Variants in MSRA observed in about 807,000 individuals in gnomAD.
The protein encoded by MSRA is mitochondrial peptide methionine sulfoxide reductase.
Under a neutral mutation model 31.3 loss-of-function variants are expected in MSRA, and 54 were observed. The observed-to-expected ratio is 1.73, with a 90% confidence interval of 1.39 to 2.17. The LOEUF is 2.17. Ranked by LOEUF, MSRA falls within the 30% of genes most tolerant of loss-of-function variation. MSRA has a pLI of 0.00. For missense variants in MSRA, 507 were observed against 300.9 expected (o/e 1.69, Z -5.07); for synonymous variants, 169 against 116.5 (o/e 1.45, Z -2.90).
intron 2 of MSRA, among the ~76,000 whole-genome samples, chr8:10,242,674 A>G (rs1051472509): frequency 6.6e-6 from 1 of 152,226 alleles, no homozygotes; most frequent in African/African-American, 2.4e-5. Flanking sequence ...GATTATTGAA[A>G]TTTATGAGTA....
intron 1 of MSRA, among the ~76,000 whole-genome samples, chr8:10,127,196 GTTTC>G (rs1334267178): frequency 6.6e-6 from 1 of 152,132 alleles, no homozygotes; most frequent in African/African-American, 2.4e-5. Context: ...TACTCTTCAA[GTTTC>G]TTAATTTTTG....
chr8:10,081,764 T>C (rs886934514), intron 1 of MSRA, among the ~76,000 whole-genome samples: 1 of 152,136 alleles, frequency 6.6e-6, no homozygotes, highest in Admixed American at 6.5e-5. Flanking sequence ...TCCCGGGAGA[T>C]GGGATTACAG....
intron 5 of MSRA, among the ~76,000 whole-genome samples, chr8:10,421,229 C>A (rs550129905): frequency 6.6e-6 from 1 of 152,168 alleles, no homozygotes; most frequent in Non-Finnish European, 1.5e-5. Flanking sequence ...CTGGCCTCGG[C>A]TGCTGACCGG....
In MSRA at chr8:10,417,419, G is replaced by GACACACACACACACAC. The variant is rs1184991397; in HGVS notation, c.544-10717_544-10702dup. 7.7e-3 allele frequency among the ~76,000 whole-genome samples: 1,118 copies of GACACACACACACACAC among 145,470 alleles called. 9 individuals are homozygous for GACACACACACACACAC. Among genetic ancestry groups the GACACACACACACACAC allele is most frequent in the Admixed American group, 0.02 (296 of 14,618 alleles). ...AGAAGCACTCATCCCTTCGTCAGAAGACACACACACACACACACACACACA... is the reference window on the plus strand; with the variant it reads ...AGAAGCACTCATCCCTTCGTCAGAAGACACACACACACACACACACACACACACACACACACACACA... On this transcript the variant is annotated intron_variant, in intron 5 of 5. Coordinates refer to ENST00000317173, the MANE Select transcript of MSRA (RefSeq NM_012331.5).
At position 10,172,766 on chromosome 8, in the gene MSRA, A is replaced by G. The variant is rs111939724; in HGVS notation, c.143-35067A>G. On this transcript the variant is annotated intron_variant, in intron 1 of 5. Coordinates refer to ENST00000317173, the MANE Select transcript of MSRA (RefSeq NM_012331.5). Reference sequence around the variant, plus strand: ...CCAGGTCACTGGGCAGCAGGGACTCAGGTTGCCTGTAGCTCACCCCTTCGC... The same window carrying G: ...CCAGGTCACTGGGCAGCAGGGACTCGGGTTGCCTGTAGCTCACCCCTTCGC... 5.3e-3 allele frequency among the ~76,000 whole-genome samples: 808 copies of G among 152,308 alleles called. 7 individuals are homozygous for G. Among genetic ancestry groups the G allele is most frequent in the African/African-American group, 0.019 (770 of 41,558 alleles).
chr8:10,379,985 A>G (rs1003971896), intron 5 of MSRA, among the ~76,000 whole-genome samples: 3 of 152,222 alleles, frequency 2.0e-5, no homozygotes, highest in African/African-American at 7.2e-5. Context: ...GTGGGCCTAC[A>G]ATGAGCTAGA....
At chr8:10,177,887 T>C (rs1416157607) in intron 1 of MSRA, among the ~76,000 whole-genome samples, 2 of 152,216 alleles carry the variant, frequency 1.3e-5, no homozygotes, top group Non-Finnish European at 2.9e-5. Context: ...GAGTGGGATT[T>C]TAGGGACCAG....
At chr8:10,318,028 C>G (rs75976559) in intron 4 of MSRA, among the ~76,000 whole-genome samples, 1,869 of 152,288 alleles carry the variant, frequency 0.012, 32 homozygotes, top group African/African-American at 0.043. Context: ...ACGTTCCAAG[C>G]TTGTTCTTAT....
intron 5 of MSRA, among the ~76,000 whole-genome samples, chr8:10,427,429 A>G (rs1809247438): frequency 6.6e-6 from 1 of 152,088 alleles, no homozygotes; most frequent in Admixed American, 6.5e-5. Context: ...TGTCACCGGG[A>G]CGTAAACTAG....
At chr8:10,241,073 T>C (rs1812373012) in intron 2 of MSRA, among the ~76,000 whole-genome samples, 1 of 152,102 alleles carries the variant, frequency 6.6e-6, no homozygotes, top group Admixed American at 6.5e-5. Context: ...GACCTTATAA[T>C]CTGGTGGGTC....
intron 5 of MSRA, among the ~76,000 whole-genome samples, chr8:10,365,356 A>T (rs1334367618): frequency 6.6e-6 from 1 of 152,154 alleles, no homozygotes; most frequent in Non-Finnish European, 1.5e-5. Flanking sequence ...TGGTTTGCCA[A>T]ACAGTGAACT....
At chr8:10,215,264 A>G (rs990551523) in intron 2 of MSRA, among the ~76,000 whole-genome samples, 1 of 152,212 alleles carries the variant, frequency 6.6e-6, no homozygotes, top group African/African-American at 2.4e-5. Flanking sequence ...AGAATTCCCA[A>G]AGGTCACTGG....
intron 3 of MSRA, among the ~76,000 whole-genome samples, chr8:10,288,274 A>C (rs982432259): frequency 6.6e-6 from 1 of 152,098 alleles, no homozygotes; most frequent in Non-Finnish European, 1.5e-5. Flanking sequence ...CAGATATACT[A>C]TATACCACTA....
chr8:10,391,790 G>C (rs898766566), intron 5 of MSRA, among the ~76,000 whole-genome samples: 4 of 152,178 alleles, frequency 2.6e-5, no homozygotes, highest in Non-Finnish European at 4.4e-5. Flanking sequence ...GGCTTCATTT[G>C]TCCCACGTGA....
At chr8:10,360,693 G>A (rs1315178643) in intron 5 of MSRA, among the ~76,000 whole-genome samples, 1 of 152,168 alleles carries the variant, frequency 6.6e-6, no homozygotes, top group Non-Finnish European at 1.5e-5. Flanking sequence ...GCACAATTCT[G>A]GGCTTTTGGT....
chr8:10,261,384 T>C (rs971921768), intron 3 of MSRA, among the ~76,000 whole-genome samples: 7 of 110,060 alleles, frequency 6.4e-5, no homozygotes, highest in Non-Finnish European at 9.7e-5. Context: ...ATATAATCTG[T>C]TACTTAAAAA....
intron 1 of MSRA, among the ~76,000 whole-genome samples, chr8:10,068,968 A>G (rs1479759905): frequency 6.6e-6 from 1 of 152,152 alleles, no homozygotes; most frequent in African/African-American, 2.4e-5. Context: ...TCAGATTTTT[A>G]GTCTTGTTCT....
chr8:10,217,387 A>G (rs1358087011), intron 2 of MSRA, among the ~76,000 whole-genome samples: 4 of 152,344 alleles, frequency 2.6e-5, no homozygotes, highest in Non-Finnish European at 5.9e-5. Flanking sequence ...TGCAGGTGCT[A>G]GCGTGCTTGT....
chr8:10,273,892 C>T (rs1344531442), intron 3 of MSRA, among the ~76,000 whole-genome samples: 3 of 152,046 alleles, frequency 2.0e-5, no homozygotes, highest in Non-Finnish European at 4.4e-5. Flanking sequence ...TTCCTATCTG[C>T]GGATGAGGCA....
Sources: allele counts gnomAD v4.1 joint callset (sites outside exome capture counted in the v4.1 genomes callset), GRCh38; gene constraint gnomAD v4.1.1; transcripts MANE v1.5; gene names NCBI Gene and HGNC (gene_info 2026-07-23, HGNC 2026-07-21).